The following SEMA3E variants were observed in gnomAD, a reference collection of about 807,000 sequenced individuals.
SEMA3E encodes semaphorin 3E.
A neutral mutation model predicts 93.6 loss-of-function variants in SEMA3E; 49 were observed. That is an observed-to-expected ratio of 0.52 (90% CI 0.42 to 0.66). The LOEUF is 0.66. Ranked by LOEUF, SEMA3E falls within the 30% of genes least tolerant of loss-of-function variation. SEMA3E has a pLI of 0.00. For synonymous variants in SEMA3E, 363 were observed against 330.7 expected (o/e 1.10, Z -1.06); for missense variants, 906 against 964.8 (o/e 0.94, Z 0.81).
intron 1 of SEMA3E, among the ~76,000 whole-genome samples, chr7:83,570,707 T>C (rs1284844706): frequency 6.6e-6 from 1 of 151,336 alleles, no homozygotes; most frequent in East Asian, 1.9e-4. Context: ...AAAAATGAGA[T>C]GCAGAAGTCC....
At chr7:83,427,241 T>C (rs901163686) in intron 4 of SEMA3E, among the ~76,000 whole-genome samples, 3 of 151,880 alleles carry the variant, frequency 2.0e-5, no homozygotes, top group Non-Finnish European at 4.4e-5. Context: ...CCTTTCTCTT[T>C]CTTTTTCTTC....
intron 13 of SEMA3E, 135 bp downstream of exon 13, chr7:83,394,161 TA>T (rs1453225486): frequency 1.0e-6 from 1 of 955,632 alleles, no homozygotes; most frequent in Non-Finnish European, 1.5e-6. Flanking sequence ...TACAATAAAA[TA>T]AAGTAATAAA....
intron 16 of SEMA3E, among the ~76,000 whole-genome samples, chr7:83,376,726 CT>C (rs1325475652): frequency 6.6e-6 from 1 of 151,962 alleles, no homozygotes; most frequent in Non-Finnish European, 1.5e-5. Flanking sequence ...AATATACATT[CT>C]TTTTTGCATT....
intron 16 of SEMA3E, among the ~76,000 whole-genome samples, chr7:83,384,892 C>A (rs2116915838): frequency 6.6e-6 from 1 of 152,036 alleles, no homozygotes; most frequent in African/African-American, 2.4e-5. Context: ...ATTCATATGT[C>A]TAAGACATAT....
intron 7 of SEMA3E, among the ~76,000 whole-genome samples, chr7:83,406,771 T>C (rs1788338119): frequency 6.6e-6 from 1 of 152,004 alleles, no homozygotes; most frequent in Admixed American, 6.6e-5. Context: ...ATTTGTACTG[T>C]GTACTAAAGG....
chr7:83,648,371 TTTTTTC>T (rs1175546007), intron 1 of SEMA3E, 51 bp downstream of exon 1: 10 of 1,359,604 alleles, frequency 7.4e-6, no homozygotes, highest in Middle Eastern at 1.9e-4. Context: ...TTTTTTTTTC[TTTTTTC>T]TTTTTCTTTT....
chr7:83,454,272 A>AATATATATATATAT (rs71534491), intron 4 of SEMA3E, among the ~76,000 whole-genome samples: 2 of 110,134 alleles, frequency 1.8e-5, no homozygotes, highest in African/African-American at 8.7e-5. Flanking sequence ...AAAAAAAAAA[A>AATATATATATATAT]ATATATATAT....
At chr7:83,423,639 G>A (rs112631844) in intron 4 of SEMA3E, among the ~76,000 whole-genome samples, 4,310 of 150,946 alleles carry the variant, frequency 0.029, 225 homozygotes, top group African/African-American at 0.099. Context: ...GAGTAGCTGG[G>A]ACTACAGACG....
At chr7:83,606,764 A>T (rs1793130569) in intron 1 of SEMA3E, among the ~76,000 whole-genome samples, 4 of 49,026 alleles carry the variant, frequency 8.2e-5, no homozygotes, top group Middle Eastern at 0.015. Context: ...AAGTATAATA[A>T]AAAAAAAAAA....
intron 1 of SEMA3E, among the ~76,000 whole-genome samples, chr7:83,616,871 C>G (rs1341770620): frequency 6.6e-6 from 1 of 151,926 alleles, no homozygotes; most frequent in Non-Finnish European, 1.5e-5. Flanking sequence ...ATTACAGGAG[C>G]CTGCCACCAC....
intron 1 of SEMA3E, among the ~76,000 whole-genome samples, chr7:83,515,814 G>A (rs1051773559): frequency 2.6e-5 from 4 of 152,192 alleles, no homozygotes; most frequent in East Asian, 1.9e-4. Context: ...GATCACCTGC[G>A]GTCAGGAGTT....
At chr7:83,468,121 T>C (rs1584268847) in intron 3 of SEMA3E, among the ~76,000 whole-genome samples, 1 of 152,200 alleles carries the variant, frequency 6.6e-6, no homozygotes, top group African/African-American at 2.4e-5. Flanking sequence ...AAGTCTATCC[T>C]ATAACAGTAT....
At chr7:83,507,806 C>A (rs546937790) in intron 1 of SEMA3E, among the ~76,000 whole-genome samples, 1 of 151,924 alleles carries the variant, frequency 6.6e-6, no homozygotes, top group South Asian at 2.1e-4. Flanking sequence ...AAAAAAAATG[C>A]CAGGCATGGT....
intron 2 of SEMA3E, among the ~76,000 whole-genome samples, chr7:83,484,913 G>A (rs950748626): frequency 6.6e-6 from 1 of 152,158 alleles, no homozygotes; most frequent in Admixed American, 6.5e-5. Flanking sequence ...AGAGTGTTGA[G>A]GAATGTGGGG....
intron 1 of SEMA3E, among the ~76,000 whole-genome samples, chr7:83,546,488 T>G (rs1396729741): frequency 6.6e-6 from 1 of 151,630 alleles, no homozygotes; most frequent in Non-Finnish European, 1.5e-5. Flanking sequence ...CTGGCAAGGA[T>G]GGAGAAGACA....
intron 1 of SEMA3E, among the ~76,000 whole-genome samples, chr7:83,629,455 T>C (rs981410433): frequency 2.6e-5 from 4 of 152,144 alleles, no homozygotes; most frequent in African/African-American, 7.2e-5. Flanking sequence ...AGCCCCTGCC[T>C]GGGGCTGCTG....
intron 12 of SEMA3E, among the ~76,000 whole-genome samples, chr7:83,396,217 TTTTC>T (rs1047665033): frequency 3.3e-5 from 5 of 149,988 alleles, no homozygotes; most frequent in African/African-American, 7.3e-5. Flanking sequence ...CTTCTATTGT[TTTTC>T]TTTTTTAGTA....
chr7:83,394,274 A>G (rs750207246), intron 13 of SEMA3E, 23 bp downstream of exon 13: 81 of 726,744 alleles, frequency 1.1e-4, no homozygotes, highest in Non-Finnish European at 1.3e-4. Context: ...ACACACCTAC[A>G]CACACACACA....
chr7:83,635,385 T>A (rs1793862074), intron 1 of SEMA3E, among the ~76,000 whole-genome samples: 1 of 151,898 alleles, frequency 6.6e-6, no homozygotes, highest in South Asian at 2.1e-4. Flanking sequence ...ATAGATTATC[T>A]TTAGTTTCTA....
Sources: allele counts gnomAD v4.1 joint callset (sites outside exome capture counted in the v4.1 genomes callset), GRCh38; gene constraint gnomAD v4.1.1; transcripts MANE v1.5; gene names NCBI Gene and HGNC (gene_info 2026-07-23, HGNC 2026-07-21).